The following RASGRF2 variants were observed in gnomAD, a reference collection of about 807,000 sequenced individuals.
RASGRF2 encodes Ras protein specific guanine nucleotide releasing factor 2.
A neutral mutation model predicts 151.0 loss-of-function variants in RASGRF2; 76 were observed. The ratio of observed to expected loss-of-function variants is 0.50; its 90% CI spans 0.42 to 0.61. The LOEUF (loss-of-function observed/expected upper bound fraction) is 0.61. Among genes scored for constraint, RASGRF2 ranks in the 20% least tolerant of loss-of-function variants. RASGRF2 has a pLI of 0.00. For synonymous variants in RASGRF2, 504 were observed against 566.5 expected (o/e 0.89, Z 1.57); for missense variants, 1,148 against 1,564.6 (o/e 0.73, Z 4.49).
chr5:81,188,148 G>T (rs941123256), intron 18 of RASGRF2, among the ~76,000 whole-genome samples: 1 of 152,084 alleles, frequency 6.6e-6, no homozygotes, highest in Non-Finnish European at 1.5e-5. Flanking sequence ...TCATCCATCC[G>T]GGCTCGTGTC....
intron 1 of RASGRF2, among the ~76,000 whole-genome samples, chr5:81,041,522 G>A (rs1750678654): frequency 6.6e-6 from 1 of 152,066 alleles, no homozygotes; most frequent in Non-Finnish European, 1.5e-5. Context: ...CAAGCTGATT[G>A]TAAAAAATTT....
chr5:81,105,381 C>G (rs1752818126), intron 12 of RASGRF2, among the ~76,000 whole-genome samples: 3 of 152,150 alleles, frequency 2.0e-5, no homozygotes, highest in African/African-American at 7.2e-5. Flanking sequence ...TGACCCAGGT[C>G]TGTGACTCTG....
At chr5:81,000,900 A>G (rs1008402520) in intron 1 of RASGRF2, among the ~76,000 whole-genome samples, 1 of 152,204 alleles carries the variant, frequency 6.6e-6, no homozygotes, top group Admixed American at 6.5e-5. Flanking sequence ...AGCCTCCGTC[A>G]CTCTGAAGAC....
chr5:81,080,934 C>T (rs1752069035), intron 7 of RASGRF2, 145 bp downstream of exon 7: 1 of 691,312 alleles, frequency 1.4e-6, no homozygotes, highest in Non-Finnish European at 2.3e-6. Flanking sequence ...TGAGCTTGAC[C>T]CTGAGATAAA....
intron 1 of RASGRF2, among the ~76,000 whole-genome samples, chr5:80,970,556 A>T (rs1196807447): frequency 4.0e-5 from 6 of 151,852 alleles, no homozygotes; most frequent in Non-Finnish European, 7.4e-5. Flanking sequence ...TTTTTCCCCT[A>T]ACTTCAGGTT....
At chr5:81,037,568 G>A (rs1750541286) in intron 1 of RASGRF2, among the ~76,000 whole-genome samples, 2 of 152,048 alleles carry the variant, frequency 1.3e-5, no homozygotes, top group African/African-American at 4.8e-5. Flanking sequence ...ATTGCACAAT[G>A]TTAAGATACA....
chr5:81,062,618 T>C (rs1460197357), intron 2 of RASGRF2, among the ~76,000 whole-genome samples: 1 of 152,224 alleles, frequency 6.6e-6, no homozygotes, highest in Non-Finnish European at 1.5e-5. Flanking sequence ...ACAAGGAACA[T>C]TTCCATAGTG....
intron 1 of RASGRF2, among the ~76,000 whole-genome samples, chr5:80,981,566 C>G (rs953899676): frequency 2.8e-4 from 43 of 151,862 alleles, no homozygotes; most frequent in African/African-American, 1.0e-3. Flanking sequence ...TAGCAGTGCT[C>G]TAGAGAGTGC....
intron 1 of RASGRF2, among the ~76,000 whole-genome samples, chr5:81,033,777 C>A (rs1316889812): frequency 6.6e-6 from 1 of 152,158 alleles, no homozygotes; most frequent in Non-Finnish European, 1.5e-5. Flanking sequence ...GCAATGGCAA[C>A]AAAAGCCAAA....
intron 2 of RASGRF2, among the ~76,000 whole-genome samples, chr5:81,056,317 T>C (rs1007079413): frequency 6.6e-6 from 1 of 152,148 alleles, no homozygotes; most frequent in Non-Finnish European, 1.5e-5. Context: ...GAGAGATTCT[T>C]GTATGTTGTG....
intron 12 of RASGRF2, 84 bp downstream of exon 12, chr5:81,095,076 C>T: frequency 9.0e-7 from 1 of 1,106,406 alleles, no homozygotes. Context: ...GGTTTTTTAT[C>T]TTTATTAAAA....
intron 1 of RASGRF2, among the ~76,000 whole-genome samples, chr5:80,967,548 A>G (rs1016880827): frequency 2.6e-5 from 4 of 152,210 alleles, no homozygotes; most frequent in Non-Finnish European, 5.9e-5. Flanking sequence ...CAGCAGGGAT[A>G]TGAGTGGTAC....
intron 25 of RASGRF2, 40 bp downstream of exon 25, chr5:81,217,513 A>C (rs892170848): frequency 1.5e-6 from 2 of 1,372,024 alleles, no homozygotes; most frequent in Non-Finnish European, 1.9e-6. Context: ...CAATGGCTTT[A>C]GAGGTTTATA....
intron 17 of RASGRF2, among the ~76,000 whole-genome samples, chr5:81,152,000 T>TTTTG (rs1282765512): frequency 6.6e-5 from 10 of 152,056 alleles, no homozygotes; most frequent in Admixed American, 5.2e-4. Context: ...AAGAGAGATT[T>TTTTG]TTTGTTTGTT....
At chr5:81,076,528 G>A (rs1306662009) in intron 5 of RASGRF2, among the ~76,000 whole-genome samples, 1 of 151,618 alleles carries the variant, frequency 6.6e-6, no homozygotes, top group East Asian at 1.9e-4. Context: ...CTAGGGCAGG[G>A]AAGGATTAGT....
intron 2 of RASGRF2, among the ~76,000 whole-genome samples, chr5:81,061,955 C>G (rs1751446697): frequency 7.4e-6 from 1 of 135,248 alleles, no homozygotes; most frequent in Non-Finnish European, 1.5e-5. Context: ...TCCCAAAGTG[C>G]TAGGATTACA....
intron 18 of RASGRF2, among the ~76,000 whole-genome samples, chr5:81,198,748 GT>G (rs2112709565): frequency 1.3e-5 from 2 of 152,220 alleles, no homozygotes; most frequent in South Asian, 4.1e-4. Flanking sequence ...CCATGATTTC[GT>G]TTTTTAAGGC....
chr5:81,206,867 G>C lies in RASGRF2; in HGVS notation c.2929G>C (p.Asp977His). Residue 977 changes from aspartate (D) to histidine (H), a missense_variant, in exon 20 of 27, where the codon GAT (aspartate) becomes CAT (histidine). Transcript: ENST00000265080. ...CAGGGCCCTTTCACAAGATGACCAA[G>C]ATGACATCCACCTAAAATTAGAGGA... is the stretch of plus-strand genomic sequence containing the variant. ...ILRALSQDDQ[D>H]DIHLKLEDII... The C allele has an allele frequency of 1.2e-6, 2 of 1,611,150 alleles. No individual in the cohort carries two copies. Among genetic ancestry groups the C allele is most frequent in the Non-Finnish European group, 1.7e-6 (2 of 1,177,228 alleles).
chr5:81,069,127 G>A (rs1472506360), intron 3 of RASGRF2, among the ~76,000 whole-genome samples: 4 of 152,106 alleles, frequency 2.6e-5, no homozygotes, highest in African/African-American at 9.7e-5. Context: ...TTTCCTTTTT[G>A]TGTCTTGCAC....
Sources: allele counts gnomAD v4.1 joint callset (sites outside exome capture counted in the v4.1 genomes callset), GRCh38; gene constraint gnomAD v4.1.1; transcripts MANE v1.5; gene names NCBI Gene and HGNC (gene_info 2026-07-23, HGNC 2026-07-21).